Variants in HTR3B observed in about 807,000 individuals in gnomAD.
HTR3B encodes 5-hydroxytryptamine receptor 3B.
A neutral mutation model predicts 42.8 loss-of-function variants in HTR3B; 44 were observed. That is an observed-to-expected ratio of 1.03 (90% CI 0.81 to 1.32). The LOEUF is 1.32. Among genes scored for constraint, HTR3B ranks in the 40% most tolerant of loss-of-function variants. HTR3B has a pLI of 0.00. For synonymous variants in HTR3B, 203 were observed against 209.0 expected (o/e 0.97, Z 0.25); for missense variants, 527 against 536.5 (o/e 0.98, Z 0.17).
chr11:113,923,663 G>A (rs1158610721), intron 2 of HTR3B, among the ~76,000 whole-genome samples: 2 of 152,046 alleles, frequency 1.3e-5, no homozygotes, highest in Non-Finnish European at 2.9e-5. Flanking sequence ...CCAATTCTCT[G>A]AAATATCCTT....
At chr11:113,912,875 A>G (rs1433919018) in intron 2 of HTR3B, among the ~76,000 whole-genome samples, 2 of 151,360 alleles carry the variant, frequency 1.3e-5, no homozygotes, top group Non-Finnish European at 2.9e-5. Context: ...GCCTTCTCTT[A>G]TTTTTAAAAT....
Position 113,909,389 on chromosome 11 carries a change from T to C in HTR3B, c.147T>C (p.Pro49=), listed in dbSNP as rs1259850665. The change falls in exon 2 of 9, where the codon CCT becomes CCC. Residue 49 remains proline, a synonymous_variant. Coordinates refer to ENST00000260191, the MANE Select transcript of HTR3B (RefSeq NM_006028.5). The stretch of plus-strand genomic sequence containing the variant: ...AGAAATATCATAAAGAAGTGAGACC[T>C]GTTTACAACTGGACCAAGGCCACCA... ...LLQKYHKEVR[P]VYNWTKATTV... is the part of the protein sequence containing the mutation. The C allele has an allele frequency of 1.9e-6, 3 of 1,613,876 alleles. No homozygotes were observed. In the Admixed American group the frequency reaches 5.0e-5, roughly 27 times the overall value.
At chr11:113,904,538 G>T, upstream of HTR3B, 1 of 164,522 alleles carries the variant, frequency 6.1e-6, no homozygotes. Flanking sequence ...TTAGTGTCCT[G>T]AATGTCAGCA....
chr11:113,942,959 T>A (rs1469771316), intron 6 of HTR3B, 23 bp from the exon 7 acceptor site: 1 of 1,609,476 alleles, frequency 6.2e-7, no homozygotes, highest in Non-Finnish European at 8.5e-7. Context: ...CCTCTTTTCA[T>A]CAGACCACTT....
chr11:113,942,890 G>T, intron 6 of HTR3B, 92 bp from the exon 7 acceptor site: 1 of 1,021,352 alleles, frequency 9.8e-7, no homozygotes, highest in Middle Eastern at 2.1e-4. Context: ...AAAACGTTGG[G>T]TCTTCGGGGA....
chr11:113,946,122 G>T lies in HTR3B; in HGVS notation c.1311G>T (p.Leu437=). The change falls in exon 9 of 9, where the codon CTG becomes CTT. Residue 437 remains leucine, a synonymous_variant. Coordinates refer to ENST00000260191, the MANE Select transcript of HTR3B (RefSeq NM_006028.5). Reference sequence around the variant, plus strand: ...TCACTCTGTGCTCCCTCTGGGCACTGTGGGGCGGCGTGTGAAGACTGAAGT... The same window carrying T: ...TCACTCTGTGCTCCCTCTGGGCACTTTGGGGCGGCGTGTGAAGACTGAAGT... ...YTITLCSLWA[L]WGGV is the part of the protein sequence containing the mutation. The T allele has an allele frequency of 6.2e-7, 1 of 1,612,728 alleles. No individual in the cohort carries two copies. The highest frequency in any genetic ancestry group is 1.3e-5 in the African/African-American group (1 of 74,978).
At chr11:113,908,938 G>A in intron 1 of HTR3B, 1 of 326,666 alleles carries the variant, frequency 3.1e-6, no homozygotes, top group Non-Finnish European at 5.5e-6. Flanking sequence ...TTTTGGCTAA[G>A]TGTGTAGGTG....
Position 113,905,100 on chromosome 11 carries a change from G to A in HTR3B, c.52+115G>A, listed in dbSNP as rs374697030. On this transcript the variant is annotated intron_variant, in intron 1 of 8. Transcript: ENST00000260191. ...TCAGGCATGTTTGTTTTTATTCATCGTCTGTAAAATGCCAGTCCTGTGAAG... is the reference window on the plus strand; with the variant it reads ...TCAGGCATGTTTGTTTTTATTCATCATCTGTAAAATGCCAGTCCTGTGAAG... 160 of 727,458 alleles carry A rather than the reference G, an allele frequency of 2.2e-4. 1 individual carries two copies. The highest frequency in any genetic ancestry group is 2.1e-3 in the African/African-American group (117 of 56,256). 45.1% of individuals were successfully genotyped at this position (727,458 alleles called of 1,614,324 possible).
intron 7 of HTR3B, among the ~76,000 whole-genome samples, chr11:113,943,826 G>A (rs1377382320): frequency 6.6e-6 from 1 of 151,312 alleles, no homozygotes; most frequent in Non-Finnish European, 1.5e-5. Flanking sequence ...GGGAGGGGAG[G>A]GGAAGGGAGA....
chr11:113,940,713 A>G (rs561170008), intron 6 of HTR3B, among the ~76,000 whole-genome samples: 18 of 152,322 alleles, frequency 1.2e-4, no homozygotes, highest in Admixed American at 2.6e-4. Flanking sequence ...CCCAGACCCA[A>G]TGGCTGGAGA....
chr11:113,945,772 C>A (rs1347974453), intron 8 of HTR3B, 130 bp from the exon 9 acceptor site: 2 of 679,062 alleles, frequency 2.9e-6, no homozygotes, highest in South Asian at 1.8e-5. Context: ...AGTACCCAAC[C>A]CAAACACAAC....
At chr11:113,940,364 G>A (rs1432877108) in intron 6 of HTR3B, among the ~76,000 whole-genome samples, 2 of 152,184 alleles carry the variant, frequency 1.3e-5, no homozygotes, top group Non-Finnish European at 2.9e-5. Flanking sequence ...CACAGGGCTA[G>A]ATCACCAATA....
chr11:113,944,637 C>A lies in HTR3B; in HGVS notation c.972C>A (p.Val324=). The change falls in exon 8 of 9, where the codon GTC becomes GTA. Residue 324 remains valine, a synonymous_variant. Coordinates refer to ENST00000260191, the MANE Select transcript of HTR3B (RefSeq NM_006028.5). ...VLSLAKSIVL[V]KFLHDEQRGG... ...GCTTAGCTAAGTCCATCGTGTTGGT[C>A]AAATTCCTCCATGATGAGCAGCGTG... The A allele has an allele frequency of 6.2e-7, 1 of 1,614,180 alleles. No individual in the cohort carries two copies. Among genetic ancestry groups the A allele is most frequent in the South Asian group, 1.1e-5 (1 of 91,074 alleles).
In HTR3B at chr11:113,920,454, TA is replaced by T. The variant is rs201722861; in HGVS notation, c.214-10928del. Reference sequence around the variant, plus strand: ...GCAGTGGCATGATCTCGGCTCACAGTAACCTCCGCCTCCCGGGTTCAAACGA... The same window carrying T: ...GCAGTGGCATGATCTCGGCTCACAGTACCTCCGCCTCCCGGGTTCAAACGA... On this transcript the variant is annotated intron_variant, in intron 2 of 8. Transcript: ENST00000260191. 4.5e-3 allele frequency among the ~76,000 whole-genome samples: 636 copies of T among 142,468 alleles called. 8 individuals carry two copies. The highest frequency in any genetic ancestry group is 0.015 in the African/African-American group (574 of 38,600). 93.5% of individuals were successfully genotyped at this position (142,468 alleles called of 152,430 possible).
intron 6 of HTR3B, among the ~76,000 whole-genome samples, chr11:113,942,161 G>A (rs1045655781): frequency 6.6e-6 from 1 of 152,202 alleles, no homozygotes; most frequent in Non-Finnish European, 1.5e-5. Flanking sequence ...CCTGAGGTCA[G>A]GAGTTGGAGA....
chr11:113,936,651 G>T (rs930173886), intron 6 of HTR3B, among the ~76,000 whole-genome samples: 22 of 152,178 alleles, frequency 1.4e-4, no homozygotes, highest in African/African-American at 5.1e-4. Context: ...CTAATCCAGA[G>T]CGACCCATAG....
intron 1 of HTR3B, among the ~76,000 whole-genome samples, chr11:113,905,877 A>T (rs1353985975): frequency 1.3e-5 from 2 of 152,212 alleles, no homozygotes; most frequent in Admixed American, 6.5e-5. Context: ...AGAGAAGAAA[A>T]ATAGCCACTT....
At chr11:113,918,779 C>T (rs1003306167) in intron 2 of HTR3B, among the ~76,000 whole-genome samples, 23 of 152,052 alleles carry the variant, frequency 1.5e-4, no homozygotes, top group Non-Finnish European at 2.9e-4. Context: ...GCCTCAGCCT[C>T]CTGAATAGCT....
chr11:113,931,715 T>C, intron 3 of HTR3B, 43 bp from the exon 4 acceptor site: 3 of 1,091,854 alleles, frequency 2.7e-6, no homozygotes, highest in Non-Finnish European at 4.3e-6. Flanking sequence ...GAAGTAGATA[T>C]TGCCCCATTT....
Sources: allele counts gnomAD v4.1 joint callset (sites outside exome capture counted in the v4.1 genomes callset), GRCh38; gene constraint gnomAD v4.1.1; transcripts MANE v1.5; gene names NCBI Gene and HGNC (gene_info 2026-07-23, HGNC 2026-07-21).